EPHA6: variants seen among roughly 807,000 people sequenced by gnomAD.
EPHA6 encodes the protein EPH receptor A6.
Under a neutral mutation model 112.0 loss-of-function variants are expected in EPHA6, and 50 were observed. The observed-to-expected ratio is 0.45, with a 90% CI of 0.36 to 0.56. The LOEUF is 0.56. EPHA6 is among the 20% of genes least tolerant of loss of function. The probability of loss-of-function intolerance (pLI) is 0.00; values close to 1 mark genes in which losing one functional copy is unlikely to be tolerated. For synonymous variants in EPHA6, 529 were observed against 490.7 expected, an observed-to-expected ratio of 1.08 and a Z score of -1.03; for missense variants, 1,280 against 1,417.4, an observed-to-expected ratio of 0.90 and a Z score of 1.56.
At chr3:96,815,653 T>C (rs1210425510) in intron 1 of EPHA6, among the ~76,000 whole-genome samples, 1 of 152,154 alleles carries the variant, frequency 6.6e-6, no homozygotes. Flanking sequence ...ACCCTATTCA[T>C]GAAGTCAAGT....
rs147720300 is a variant in EPHA6 at position 97,242,896 on chromosome 3, C to G, written c.1271-1056C>G. ...TAGTATATTATTTTTCTAAATATCT[C>G]TCATAAGTATAGCCTCTCACAGCAT... On this transcript the variant is annotated intron_variant, in intron 4 of 17. Transcript: ENST00000389672. Among the ~76,000 whole-genome samples, 683 of 151,664 alleles carry G rather than the reference C, an allele frequency of 4.5e-3. 1 individual carries two copies. The highest frequency in any genetic ancestry group is 0.015 in the African/African-American group (636 of 41,414).
At chr3:96,908,947 A>G (rs1299654975) in intron 2 of EPHA6, among the ~76,000 whole-genome samples, 1 of 151,904 alleles carries the variant, frequency 6.6e-6, no homozygotes, top group Non-Finnish European at 1.5e-5. Flanking sequence ...GAGATTTGTA[A>G]AGTAATTGAA....
chr3:97,557,747 A>T (rs1385765115), intron 11 of EPHA6, among the ~76,000 whole-genome samples: 1 of 151,674 alleles, frequency 6.6e-6, no homozygotes, highest in Admixed American at 6.6e-5. Context: ...TTTATATTTC[A>T]TACCTTCACA....
chr3:97,227,968 C>T (rs72924416), intron 4 of EPHA6, among the ~76,000 whole-genome samples: 5,073 of 152,072 alleles, frequency 0.033, 259 homozygotes, highest in African/African-American at 0.11. Context: ...TTGATATCAG[C>T]GGTGGAGTGG....
intron 6 of EPHA6, among the ~76,000 whole-genome samples, chr3:97,417,758 C>G (rs527476593): frequency 2.0e-5 from 3 of 152,118 alleles, no homozygotes; most frequent in African/African-American, 7.2e-5. Context: ...AGAATTGATT[C>G]TGCGACTTTG....
intron 2 of EPHA6, among the ~76,000 whole-genome samples, chr3:96,958,408 A>G (rs902843518): frequency 2.6e-5 from 4 of 152,196 alleles, no homozygotes; most frequent in African/African-American, 9.6e-5. Flanking sequence ...AAATGTGAAT[A>G]ATAATATTAC....
intron 1 of EPHA6, among the ~76,000 whole-genome samples, chr3:96,855,219 AT>A (rs1467479298): frequency 6.6e-6 from 1 of 152,116 alleles, no homozygotes; most frequent in East Asian, 1.9e-4. Context: ...ATAATATAAA[AT>A]ATCCCCCTAT....
intron 2 of EPHA6, among the ~76,000 whole-genome samples, chr3:96,974,803 G>A (rs775955764): frequency 6.6e-6 from 1 of 152,108 alleles, no homozygotes; most frequent in Non-Finnish European, 1.5e-5. Flanking sequence ...CAGGATGCCA[G>A]GAGGAATGTC....
chr3:96,978,028 T>A (rs1455251950), intron 2 of EPHA6, among the ~76,000 whole-genome samples: 1 of 151,930 alleles, frequency 6.6e-6, no homozygotes, highest in East Asian at 1.9e-4. Flanking sequence ...GGCATGGTGG[T>A]GCATGCCTGT....
At chr3:96,974,840 T>C (rs1479969661) in intron 2 of EPHA6, among the ~76,000 whole-genome samples, 1 of 152,178 alleles carries the variant, frequency 6.6e-6, no homozygotes, top group Non-Finnish European at 1.5e-5. Flanking sequence ...AATTTATTCA[T>C]TCTAAGACAT....
intron 1 of EPHA6, among the ~76,000 whole-genome samples, chr3:96,854,463 T>G (rs2035578685): frequency 6.6e-6 from 1 of 152,024 alleles, no homozygotes; most frequent in South Asian, 2.1e-4. Context: ...TTTATAGCAC[T>G]TATCATAATA....
chr3:97,641,776 C>T (rs1476656306), intron 14 of EPHA6, among the ~76,000 whole-genome samples: 23 of 152,234 alleles, frequency 1.5e-4, no homozygotes, highest in Admixed American at 9.2e-4. Flanking sequence ...CCACACCTGG[C>T]TCAGAGGGTC....
rs527895787 is a variant in EPHA6, at chr3:97,388,164, T to A, written c.1607-16986T>A. 4.6e-5 allele frequency among the ~76,000 whole-genome samples: 7 copies of A among 152,328 alleles called. No homozygotes were observed. In the South Asian group the frequency reaches 1.2e-3, roughly 27 times the overall value. ...GCCAAACCATATCACTAAGCTTTCC[T>A]TATCCATATCATGAAATGGCTTTTT... On this transcript the variant is annotated intron_variant, in intron 5 of 17. Transcript: ENST00000389672.
intron 11 of EPHA6, among the ~76,000 whole-genome samples, chr3:97,549,570 G>A (rs1050958889): frequency 6.6e-6 from 1 of 152,128 alleles, no homozygotes; most frequent in Non-Finnish European, 1.5e-5. Context: ...AATGACTCTG[G>A]ATTGAACACC....
intron 11 of EPHA6, among the ~76,000 whole-genome samples, chr3:97,577,707 G>C (rs1157113661): frequency 6.6e-6 from 1 of 152,054 alleles, no homozygotes; most frequent in Non-Finnish European, 1.5e-5. Flanking sequence ...CTAGATAATA[G>C]GAAAAGCAAA....
intron 2 of EPHA6, among the ~76,000 whole-genome samples, chr3:96,979,841 A>G (rs960888213): frequency 6.6e-6 from 1 of 152,172 alleles, no homozygotes; most frequent in Non-Finnish European, 1.5e-5. Flanking sequence ...TGGCTGCATA[A>G]ATATCTTCTT....
intron 14 of EPHA6, among the ~76,000 whole-genome samples, chr3:97,715,784 C>G (rs766852936): frequency 1.3e-5 from 2 of 151,432 alleles, no homozygotes; most frequent in Non-Finnish European, 3.0e-5. Context: ...TACAGTACTT[C>G]TTGTTCCCTC....
At chr3:97,613,610 GA>G (rs1486754509) in intron 13 of EPHA6, among the ~76,000 whole-genome samples, 2 of 152,122 alleles carry the variant, frequency 1.3e-5, no homozygotes, top group Non-Finnish European at 2.9e-5. Context: ...TATATCGGCA[GA>G]GGGGCAGTGT....
chr3:97,146,350 C>A (rs1219902342), intron 3 of EPHA6, among the ~76,000 whole-genome samples: 1 of 151,866 alleles, frequency 6.6e-6, no homozygotes, highest in Admixed American at 6.6e-5. Context: ...CTCTCATTCT[C>A]TTTGCTGCTG....
Sources: allele counts gnomAD v4.1 joint callset (sites outside exome capture counted in the v4.1 genomes callset), GRCh38; gene constraint gnomAD v4.1.1; transcripts MANE v1.5; gene names NCBI Gene and HGNC (gene_info 2026-07-23, HGNC 2026-07-21).